SRGAP1: variants seen among roughly 807,000 people sequenced by gnomAD.
SRGAP1 encodes SLIT-ROBO Rho GTPase activating protein 1.
In SRGAP1, 43 loss-of-function variants were observed where a neutral mutation model predicts 121.9. The observed-to-expected ratio is 0.35, with a 90% CI of 0.28 to 0.46. SRGAP1 has a LOEUF of 0.46. Ranked by LOEUF, SRGAP1 falls within the 20% of genes least tolerant of loss-of-function variation. The probability of loss-of-function intolerance (pLI) is 1.00; values close to 1 mark genes in which losing one functional copy is unlikely to be tolerated. For synonymous variants in SRGAP1, 447 were observed against 485.4 expected (o/e 0.92, Z 1.04); for missense variants, 1,102 against 1,350.9 (o/e 0.82, Z 2.89).
At chr12:63,941,798 A>G (rs17099944) in intron 1 of SRGAP1, among the ~76,000 whole-genome samples, 5,340 of 152,218 alleles carry the variant, frequency 0.035, 312 homozygotes, top group African/African-American at 0.12. Context: ...CTCTGGTACA[A>G]TGATGCCAAC....
At chr12:63,908,602 C>A (rs1218470851) in intron 1 of SRGAP1, among the ~76,000 whole-genome samples, 1 of 152,072 alleles carries the variant, frequency 6.6e-6, no homozygotes, top group Non-Finnish European at 1.5e-5. Flanking sequence ...GTTGGCCAGG[C>A]TGGTCTTGAA....
chr12:64,053,773 A>G (rs974395651), intron 6 of SRGAP1, among the ~76,000 whole-genome samples: 4 of 152,202 alleles, frequency 2.6e-5, no homozygotes, highest in Non-Finnish European at 4.4e-5. Flanking sequence ...AAAAGAGCCT[A>G]TAACTTATTA....
At chr12:64,108,629 T>C (rs1380496753) in intron 15 of SRGAP1, 1 of 207,756 alleles carries the variant, frequency 4.8e-6, no homozygotes, top group Non-Finnish European at 9.6e-6. Flanking sequence ...TGAAATCATA[T>C]CAGATGCAAA....
In SRGAP1 at chr12:63,886,581, G is replaced by T. The variant is rs867565770; in HGVS notation, c.67+41698G>T. On this transcript the variant is annotated intron_variant, in intron 1 of 21. Coordinates refer to ENST00000355086, the MANE Select transcript of SRGAP1 (RefSeq NM_020762.4). ...TCAGCCTTGACTTTCCTGGGCTCAG[G>T]CGATCCTCCCACTTCAGCCTCCCAA... Among the ~76,000 whole-genome samples the T allele has an allele frequency of 1.6e-4, 24 of 152,134 alleles. 1 individual carries two copies. In the Middle Eastern group the frequency reaches 0.017, roughly 108 times the overall value.
At chr12:63,904,151 G>C (rs965507052) in intron 1 of SRGAP1, among the ~76,000 whole-genome samples, 2 of 147,318 alleles carry the variant, frequency 1.4e-5, no homozygotes, top group African/African-American at 5.0e-5. Context: ...TGAGATTGCC[G>C]CATTTGTTTG....
intron 1 of SRGAP1, 149 bp downstream of exon 1, chr12:63,845,032 G>T: frequency 1.3e-6 from 1 of 764,808 alleles, no homozygotes; most frequent in Non-Finnish European, 2.3e-6. Flanking sequence ...CTTCCTACAA[G>T]CCAGTTAGTT....
intron 1 of SRGAP1, among the ~76,000 whole-genome samples, chr12:63,852,308 T>A (rs1899102731): frequency 6.6e-6 from 1 of 152,238 alleles, no homozygotes; most frequent in East Asian, 1.9e-4. Context: ...TTGTTCTATC[T>A]GCTGTATCTT....
chr12:63,855,246 C>A (rs1033492404), intron 1 of SRGAP1, among the ~76,000 whole-genome samples: 1 of 152,116 alleles, frequency 6.6e-6, no homozygotes, highest in Non-Finnish European at 1.5e-5. Context: ...GAAGGAAAAT[C>A]AGCCTTAAGG....
chr12:63,919,623 T>G (rs1249803546), intron 1 of SRGAP1, among the ~76,000 whole-genome samples: 2 of 151,480 alleles, frequency 1.3e-5, no homozygotes, highest in East Asian at 3.8e-4. Flanking sequence ...CTGCCAATTC[T>G]GTCGCACTTA....
chr12:63,887,040 A>AT (rs1459384087), intron 1 of SRGAP1, among the ~76,000 whole-genome samples: 1 of 151,692 alleles, frequency 6.6e-6, no homozygotes, highest in African/African-American at 2.4e-5. Context: ...TGCCTGGCTT[A>AT]TTTTTGTATT....
rs749220720 is a variant in SRGAP1 at position 64,016,992 on chromosome 12, G to T, written c.469G>T (p.Val157Phe). The change falls in exon 4 of 22, where the codon GTT becomes TTT. Residue 157 changes from valine to phenylalanine, a missense_variant. By Grantham distance (50) the Val-to-Phe change is conservative. Transcript: ENST00000355086. Reference protein sequence around the residue: ...AFQLHEDLMKVLNELYTVMKT... With the variant: ...AFQLHEDLMKFLNELYTVMKT... ...CCAACTTCATGAGGATTTAATGAAG[G>T]TTCTTAATGAGCTTTATACGGTAAG... 14 of 1,550,562 alleles carry T rather than the reference G, an allele frequency of 9.0e-6. No individual in the cohort carries two copies. Among genetic ancestry groups the T allele is most frequent in the Non-Finnish European group, 1.2e-5 (14 of 1,129,038 alleles).
intron 4 of SRGAP1, among the ~76,000 whole-genome samples, chr12:64,025,097 A>AC (rs1303697863): frequency 6.6e-6 from 1 of 152,002 alleles, no homozygotes; most frequent in Non-Finnish European, 1.5e-5. Context: ...TGAGCACAGA[A>AC]TCTAGCCTGG....
rs889705861 is a variant in SRGAP1, at chr12:64,152,930, A to C, written c.*10258A>C. On this transcript the variant is annotated 3_prime_UTR_variant, in exon 22 of 22. Transcript: ENST00000355086. Reference sequence around the variant, plus strand: ...ATGATTTAAAAAAAAAAAAAAAAAAAAAAAAACCACTACATAAGCCAACAG... The same window carrying C: ...ATGATTTAAAAAAAAAAAAAAAAAACAAAAAACCACTACATAAGCCAACAG... 7 of 151,538 alleles carry C rather than the reference A, an allele frequency of 4.6e-5. No homozygotes were observed. Among genetic ancestry groups the C allele is most frequent in the African/African-American group, 7.3e-5 (3 of 41,298 alleles). The allele number at this position is 151,538 out of a possible 1,614,324, so 9.4% of individuals were successfully genotyped here. A position where few individuals can be genotyped will look rare whatever the true frequency, so the allele number is the denominator to read the frequency against.
intron 4 of SRGAP1, chr12:64,032,355 C>A: frequency 2.7e-6 from 1 of 377,330 alleles, no homozygotes; most frequent in South Asian, 3.1e-5. Flanking sequence ...CTGGCTGTGT[C>A]AATGGTAGTA....
rs560940191 is a variant in SRGAP1, at chr12:63,856,606, C to T, written c.67+11723C>T. Among the ~76,000 whole-genome samples the T allele has an allele frequency of 1.7e-4, 25 of 147,546 alleles. 1 individual carries two copies. The South Asian group carries it at 3.5e-3, about 21-fold the overall frequency. Reference sequence around the variant, plus strand: ...TGCTTCTGTTTTGATGAAAGTTTCACATACGCAAAACTCTATTTTTGGACA... The same window carrying T: ...TGCTTCTGTTTTGATGAAAGTTTCATATACGCAAAACTCTATTTTTGGACA... On this transcript the variant is annotated intron_variant, in intron 1 of 21. Transcript: ENST00000355086.
At chr12:63,938,464 A>T (rs997502203) in intron 1 of SRGAP1, among the ~76,000 whole-genome samples, 1 of 152,080 alleles carries the variant, frequency 6.6e-6, no homozygotes, top group African/African-American at 2.4e-5. Flanking sequence ...TGTGTCCTGA[A>T]GTTTGAGAAA....
At chr12:64,079,641 A>G (rs919386495) in intron 9 of SRGAP1, among the ~76,000 whole-genome samples, 6 of 151,856 alleles carry the variant, frequency 4.0e-5, no homozygotes, top group African/African-American at 1.5e-4. Flanking sequence ...AGCTGAGATC[A>G]TTCTACTGCA....
At chr12:64,066,932 C>G (rs921444944) in intron 8 of SRGAP1, among the ~76,000 whole-genome samples, 2 of 152,148 alleles carry the variant, frequency 1.3e-5, no homozygotes, top group East Asian at 1.9e-4. Context: ...ATAACATTCT[C>G]TAAACTCAAG....
intron 1 of SRGAP1, among the ~76,000 whole-genome samples, chr12:63,880,998 G>T (rs1488699212): frequency 1.3e-5 from 2 of 152,186 alleles, no homozygotes; most frequent in African/African-American, 4.8e-5. Context: ...GGGGAGGGAG[G>T]AGAAGGGAGC....
Sources: gnomAD v4.1 joint callset for allele counts (sites outside exome capture counted in the v4.1 genomes callset) on GRCh38, gnomAD v4.1.1 for gene constraint, MANE v1.5 for transcripts, NCBI Gene and HGNC (gene_info 2026-07-23, HGNC 2026-07-21) for gene names.